CAMSAP2: variants seen among roughly 807,000 people sequenced by gnomAD.
CAMSAP2 encodes calmodulin regulated spectrin associated protein family member 2.
In CAMSAP2, 26 loss-of-function variants were observed where a neutral mutation model predicts 146.1. The ratio of observed to expected loss-of-function variants is 0.18; its 90% CI spans 0.13 to 0.25. The LOEUF (loss-of-function observed/expected upper bound fraction) is 0.25, where lower values mean the gene tolerates loss of function less well. Ranked by LOEUF, CAMSAP2 falls within the 10% of genes least tolerant of loss-of-function variation. The pLI is 1.00. For missense variants in CAMSAP2, 1,381 were observed against 1,759.3 expected (o/e 0.78, Z 3.85); for synonymous variants, 499 against 596.6 (o/e 0.84, Z 2.38).
In CAMSAP2 at chr1:200,832,082, G is replaced by A; in HGVS notation, c.646-118G>A. 1 of 761,464 alleles carries A rather than the reference G, an allele frequency of 1.3e-6. No individual in the cohort carries two copies. The highest frequency in any genetic ancestry group is 2.1e-5 in the South Asian group (1 of 47,422). 47.2% of individuals were successfully genotyped at this position (761,464 alleles called of 1,614,324 possible). ...TTTAGAAAAAAAGAAATATTGGTGA[G>A]TGGTCTCATTTCTCATGATTTATTT... is the stretch of plus-strand genomic sequence containing the variant. On this transcript the variant is annotated intron_variant, in intron 4 of 16. Coordinates refer to ENST00000358823, the MANE Select transcript of CAMSAP2 (RefSeq NM_203459.4). This position sits in a 1 kb window ranked among gnomAD's most constrained non-coding sequence, Gnocchi z 4.2.
chr1:200,765,570 C>T (rs952259524), intron 2 of CAMSAP2, among the ~76,000 whole-genome samples: 3 of 151,952 alleles, frequency 2.0e-5, no homozygotes, highest in Admixed American at 6.6e-5. Context: ...CTGACATCTC[C>T]GCTTGAATGA....
chr1:200,819,879 G>C (rs1666702289), intron 4 of CAMSAP2, among the ~76,000 whole-genome samples: 1 of 152,056 alleles, frequency 6.6e-6, no homozygotes, highest in Non-Finnish European at 1.5e-5. Flanking sequence ...GGCCTTAGTA[G>C]ATTTCATGAT....
chr1:200,743,352 A>G (rs1387656848), intron 1 of CAMSAP2, among the ~76,000 whole-genome samples: 1 of 152,206 alleles, frequency 6.6e-6, no homozygotes, highest in Non-Finnish European at 1.5e-5. Context: ...AATATTTCCT[A>G]TCATAAATAT....
At position 200,849,990 on chromosome 1, in the gene CAMSAP2, C is replaced by T; in HGVS notation, c.3221C>T (p.Ser1074Leu). 1 of 1,614,122 alleles carries T rather than the reference C, an allele frequency of 6.2e-7. No individual in the cohort carries two copies. The highest frequency in any genetic ancestry group is 8.5e-7 in the Non-Finnish European group (1 of 1,180,024). Reference protein sequence around the residue: ...PFESTVSEVLSLPVTETVCLT... With the variant: ...PFESTVSEVLLLPVTETVCLT... ...GAGTCAACAGTCTCTGAAGTCCTAT[C>T]ACTGCCTGTCACAGAGACTGTATGT... The change falls in exon 11 of 17, where the codon TCA becomes TTA. Residue 1074 changes from serine to leucine, a missense_variant. Around this residue, in one of 4 missense-constraint regions of CAMSAP2, gnomAD observed 560 missense variants for 715.9 expected, o/e 0.78. Coordinates refer to ENST00000358823, the MANE Select transcript of CAMSAP2 (RefSeq NM_203459.4). This position sits in a 1 kb window ranked among gnomAD's most constrained non-coding sequence, Gnocchi z 6.3.
In CAMSAP2 at chr1:200,832,822, C is replaced by T. The variant is rs1667078274; in HGVS notation, c.904C>T (p.Leu302Phe). 6.3e-7 allele frequency: 1 copy of T among 1,599,340 alleles called. No individual in the cohort carries two copies. Among genetic ancestry groups the T allele is most frequent in the Non-Finnish European group, 8.5e-7 (1 of 1,174,610 alleles). Reference protein sequence around the residue: ...QCCHFTLEDMLYAASSIKSNY... With the variant: ...QCCHFTLEDMFYAASSIKSNY... ...TTGCCATTTCACTCTGGAAGATATG[C>T]TCTATGCTGCTTCATCCATAAAGGT... The change falls in exon 6 of 17, where the codon CTC becomes TTC. Residue 302 changes from leucine (L) to phenylalanine (F), a missense_variant. By Grantham distance (22) the Leu-to-Phe change is conservative. Transcript: ENST00000358823. The surrounding 1 kb of genome is among the most constrained non-coding windows in gnomAD (Gnocchi z 4.2).
intron 6 of CAMSAP2, among the ~76,000 whole-genome samples, chr1:200,839,743 G>A (rs1667269532): frequency 6.6e-6 from 1 of 152,122 alleles, no homozygotes; most frequent in African/African-American, 2.4e-5. Context: ...CACACATTGG[G>A]TACAGTGTAC....
At chr1:200,749,683 A>T (rs952487131) in intron 1 of CAMSAP2, among the ~76,000 whole-genome samples, 2 of 152,234 alleles carry the variant, frequency 1.3e-5, no homozygotes, top group African/African-American at 4.8e-5. Flanking sequence ...ATATCTTTGA[A>T]CATTTCATCT....
At chr1:200,762,658 C>T (rs992206580) in intron 2 of CAMSAP2, among the ~76,000 whole-genome samples, 4 of 152,110 alleles carry the variant, frequency 2.6e-5, no homozygotes, top group Admixed American at 6.5e-5. Context: ...CATAGATAAC[C>T]TACTTATCCT....
rs1013684143 is a variant in CAMSAP2 at position 200,769,786 on chromosome 1, C to T, written c.399+8688C>T. ...GCTGTCCAGAAGCTCCCTGAATCCT[C>T]TTCTCAGTTTTTTGAAGCTTTATAA... On this transcript the variant is annotated intron_variant, in intron 2 of 16. Coordinates refer to ENST00000358823, the MANE Select transcript of CAMSAP2 (RefSeq NM_203459.4). 3.3e-5 allele frequency among the ~76,000 whole-genome samples: 5 copies of T among 152,216 alleles called. No homozygotes were observed. In the East Asian group the frequency reaches 9.6e-4, roughly 29 times the overall value.
chr1:200,760,866 C>A lies in CAMSAP2; in HGVS notation c.167C>A (p.Pro56Gln). 1 of 1,581,004 alleles carries A rather than the reference C, an allele frequency of 6.3e-7. No homozygotes were observed. Among genetic ancestry groups the A allele is most frequent in the Non-Finnish European group, 8.6e-7 (1 of 1,161,196 alleles). Reference sequence around the variant, plus strand: ...AATGTGCCAGAGGAACTTCAAGAACCATTTTACACAGATCAGTATGACCAG... The same window carrying A: ...AATGTGCCAGAGGAACTTCAAGAACAATTTTACACAGATCAGTATGACCAG... The part of the protein sequence containing the change: ...TENVPEELQE[P>Q]FYTDQYDQEH... Residue 56 changes from proline to glutamine, a missense_variant, in exon 2 of 17, where the codon CCA (proline) becomes CAA (glutamine). This residue lies in a region of CAMSAP2 where 284 missense variants were observed against 406.9 expected (regional missense o/e 0.70). Coordinates refer to ENST00000358823, the MANE Select transcript of CAMSAP2 (RefSeq NM_203459.4).
At chr1:200,778,739 A>G (rs2047147) in intron 2 of CAMSAP2, among the ~76,000 whole-genome samples, 43,991 of 151,922 alleles carry the variant, frequency 0.29, 7,255 homozygotes, top group Non-Finnish European at 0.39. Context: ...TAGAAACTAA[A>G]TCCGGCTACA....
At chr1:200,783,577 G>A (rs1193202007) in intron 2 of CAMSAP2, among the ~76,000 whole-genome samples, 1 of 152,012 alleles carries the variant, frequency 6.6e-6, no homozygotes, top group Non-Finnish European at 1.5e-5. Context: ...CGACTTCCTA[G>A]CCTCTATCAA....
chr1:200,792,593 C>T (rs887314850), intron 2 of CAMSAP2, among the ~76,000 whole-genome samples: 5 of 152,094 alleles, frequency 3.3e-5, no homozygotes, highest in Admixed American at 6.5e-5. Context: ...TGCAGTGAGC[C>T]GAGATGGCAC....
At position 200,857,610 on chromosome 1, in the gene CAMSAP2, A is replaced by C; in HGVS notation, c.4132-144A>C. On this transcript the variant is annotated intron_variant, in intron 16 of 16. Transcript: ENST00000358823. The surrounding 1 kb of genome is among the most constrained non-coding windows in gnomAD (Gnocchi z 4.7). ...TGGAAGCCTGCAGATTTTATTAAAG[A>C]CTAGCAATAGGCTTTAAGATTTGTC... The C allele has an allele frequency of 1.2e-6, 1 of 843,336 alleles. No homozygotes were observed. The allele number at this position is 843,336 out of a possible 1,614,324, so 52.2% of individuals were successfully genotyped here.
Position 200,816,868 on chromosome 1 carries a change from GTGTACACACACACGCGTGTGTA to G in CAMSAP2, c.645+1228_645+1249del, listed in dbSNP as rs1558191210. 7.3e-4 allele frequency among the ~76,000 whole-genome samples: 51 copies of G among 69,454 alleles called. 13 individuals are homozygous for G. The highest frequency in any genetic ancestry group is 1.2e-3 in the Non-Finnish European group (44 of 36,664). 45.6% of individuals were successfully genotyped at this position (69,454 alleles called of 152,430 possible). A position where few individuals can be genotyped will look rare whatever the true frequency, so the allele number is the denominator to read the frequency against. ...TGTACACACACACGCGTGTGTATGT[GTGTACACACACACGCGTGTGTA>G]TGTGTGTACACACACACGCGTGTGT... On this transcript the variant is annotated intron_variant, in intron 4 of 16. Coordinates refer to ENST00000358823, the MANE Select transcript of CAMSAP2 (RefSeq NM_203459.4).
chr1:200,765,950 T>C (rs1170979079), intron 2 of CAMSAP2, among the ~76,000 whole-genome samples: 4 of 152,214 alleles, frequency 2.6e-5, no homozygotes, highest in African/African-American at 9.6e-5. Context: ...GAGGAGGCTG[T>C]AAGTCTGAGT....
rs1666515251 is a variant in CAMSAP2 at position 200,816,737 on chromosome 1, C to CACACACACGCGTGTATATATGTGTGT, written c.645+1102_645+1127dup. Among the ~76,000 whole-genome samples the CACACACACGCGTGTATATATGTGTGT allele has an allele frequency of 6.6e-5, 2 of 30,494 alleles. 1 individual carries two copies. The highest frequency in any genetic ancestry group is 3.0e-4 in the African/African-American group (2 of 6,650). The allele number at this position is 30,494 out of a possible 152,430, so 20.0% of individuals were successfully genotyped here. A position where few individuals can be genotyped will look rare whatever the true frequency, so the allele number is the denominator to read the frequency against. Reference sequence around the variant, plus strand: ...ATACACACGCACATATATGTGTGTACACACACACGCGTGTATATATGTGTG... The same window carrying CACACACACGCGTGTATATATGTGTGT: ...ATACACACGCACATATATGTGTGTACACACACACGCGTGTATATATGTGTGTACACACACGCGTGTATATATGTGTG... On this transcript the variant is annotated intron_variant, in intron 4 of 16. Coordinates refer to ENST00000358823, the MANE Select transcript of CAMSAP2 (RefSeq NM_203459.4).
rs773563102 is a variant in CAMSAP2 at position 200,815,571 on chromosome 1, A to G, written c.572A>G (p.His191Arg). ...TTTTTATATTTTAAGGTAAATGAAC[A>G]TTTGAAAGACATAATGGAACAAGAA... is the stretch of plus-strand genomic sequence containing the variant. ...VMYWINKVNE[H>R]LKDIMEQEQK... The change falls in exon 4 of 17, where the codon CAT (histidine) becomes CGT (arginine). Residue 191 changes from histidine to arginine, a missense_variant. By Grantham distance (29) the His-to-Arg change is conservative. Coordinates refer to ENST00000358823, the MANE Select transcript of CAMSAP2 (RefSeq NM_203459.4). The G allele has an allele frequency of 1.9e-6, 3 of 1,539,408 alleles. No individual in the cohort carries two copies. Among genetic ancestry groups the G allele is most frequent in the East Asian group, 2.3e-5 (1 of 43,454 alleles).
At chr1:200,800,177 A>G (rs901762160) in intron 2 of CAMSAP2, among the ~76,000 whole-genome samples, 1 of 152,166 alleles carries the variant, frequency 6.6e-6, no homozygotes, top group Non-Finnish European at 1.5e-5. Flanking sequence ...GTAGATGTCT[A>G]TTAGGTCTGC....
Sources: gnomAD v4.1 joint callset for allele counts (sites outside exome capture counted in the v4.1 genomes callset) on GRCh38, gnomAD v4.1.1 for gene constraint, gnomAD v4.1.1 regional missense constraint, Gnocchi (gnomAD v3.1) non-coding constraint, MANE v1.5 for transcripts, NCBI Gene and HGNC (gene_info 2026-07-23, HGNC 2026-07-21) for gene names.